Variants in XRCC3 observed in about 807,000 individuals in gnomAD.
The protein encoded by XRCC3 is DNA repair protein XRCC3.
A neutral mutation model predicts 29.2 loss-of-function variants in XRCC3; 34 were observed. The observed-to-expected ratio is 1.16, with a 90% CI of 0.88 to 1.55. XRCC3 has a LOEUF of 1.55. XRCC3 is among the 40% of genes most tolerant of loss of function. The probability of loss-of-function intolerance (pLI) is 0.00; values close to 1 mark genes in which losing one functional copy is unlikely to be tolerated. For synonymous variants in XRCC3, 223 were observed against 211.3 expected (o/e 1.06, Z -0.48); for missense variants, 463 against 467.6 (o/e 0.99, Z 0.09).
At chr14:103,706,562 C>A in intron 6 of XRCC3, 1 of 380,764 alleles carries the variant, frequency 2.6e-6, no homozygotes, top group South Asian at 2.0e-5. Context: ...ATGCAGGGAA[C>A]CCTCGTTTCA....
intron 7 of XRCC3, chr14:103,701,096 GCAGACTTGGGGTGGGGGTTCCC>G: frequency 7.2e-7 from 1 of 1,396,152 alleles, no homozygotes; most frequent in Non-Finnish European, 9.9e-7. Context: ...TCTTCTCTAG[GCAGACTTGGGGTGGGGGTTCCC>G]CAGAGAGCTG....
intron 6 of XRCC3, chr14:103,706,522 A>G: frequency 2.4e-6 from 1 of 413,028 alleles, no homozygotes; most frequent in South Asian, 1.8e-5. Flanking sequence ...TGAGAGACCC[A>G]GGCAGGCATG....
rs2151931189 is a variant in XRCC3, at chr14:103,703,251, C to T, written c.483G>A (p.Leu161=). ...GCAGCTCTCCTGGAACGTCAGTGCGCAGCCGCGGCTGCTGGGCCATGAGCT... is the reference window on the plus strand; with the variant it reads ...GCAGCTCTCCTGGAACGTCAGTGCGTAGCCGCGGCTGCTGGGCCATGAGCT... ...LQQLMAQQPR[L]RTDVPGELLQ... Residue 161 remains leucine, a synonymous_variant, in exon 7 of 10, where the codon CTG becomes CTA. Transcript: ENST00000555055. The T allele has an allele frequency of 6.4e-7, 1 of 1,562,368 alleles. No homozygotes were observed. The highest frequency in any genetic ancestry group is 8.7e-7 in the Non-Finnish European group (1 of 1,154,562).
Position 103,698,014 on chromosome 14 carries a change from CG to C in XRCC3, c.*783del, listed in dbSNP as rs1567046041. On this transcript the variant is annotated 3_prime_UTR_variant, in exon 10 of 10. Coordinates refer to ENST00000555055, the MANE Select transcript of XRCC3 (RefSeq NM_005432.4). Reference sequence around the variant, plus strand: ...CCGGGACCCTCCTTCCTCTCAACCTCGGATCCTCTTTGCCCAGAACTGTGTT... The same window carrying C: ...CCGGGACCCTCCTTCCTCTCAACCTCGATCCTCTTTGCCCAGAACTGTGTT... The C allele has an allele frequency of 6.6e-6, 1 of 152,608 alleles. No individual in the cohort carries two copies. The highest frequency in any genetic ancestry group is 1.5e-5 in the Non-Finnish European group (1 of 68,344). The allele number at this position is 152,608 out of a possible 1,614,324, so 9.5% of individuals were successfully genotyped here.
At position 103,699,020 on chromosome 14, in the gene XRCC3, G is replaced by T; in HGVS notation, c.822-3C>A. On this transcript the variant is annotated splice_polypyrimidine_tract_variant and splice_region_variant and intron_variant, in intron 9 of 9. Coordinates refer to ENST00000555055, the MANE Select transcript of XRCC3 (RefSeq NM_005432.4). Reference sequence around the variant, plus strand: ...GGGAAACACGTTCGTCCCAGAACCTGAGAAACAGGAAGCAGGCAAGCTGGC... The same window carrying T: ...GGGAAACACGTTCGTCCCAGAACCTTAGAAACAGGAAGCAGGCAAGCTGGC... 1 of 1,582,010 alleles carries T rather than the reference G, an allele frequency of 6.3e-7. No homozygotes were observed. Among genetic ancestry groups the T allele is most frequent in the Admixed American group, 1.8e-5 (1 of 55,854 alleles).
Position 103,707,172 on chromosome 14 carries a change from G to C in XRCC3, c.237C>G (p.His79Gln). Reference sequence around the variant, plus strand: ...CCGGGCAGCCCAGGCTCAGGCGCTGGTGCTGCGTGGGGAACCGCTCCTTCT... The same window carrying C: ...CCGGGCAGCCCAGGCTCAGGCGCTGCTGCTGCGTGGGGAACCGCTCCTTCT... The part of the protein sequence containing the change: ...HQQKERFPTQ[H>Q]QRLSLGCPVL... Residue 79 changes from histidine to glutamine, a missense_variant, in exon 6 of 10, where the codon CAC (histidine) becomes CAG (glutamine). By Grantham distance (24) the His-to-Gln change is conservative. Coordinates refer to ENST00000555055, the MANE Select transcript of XRCC3 (RefSeq NM_005432.4). 8 of 1,549,456 alleles carry C rather than the reference G, an allele frequency of 5.2e-6. No homozygotes were observed. Among genetic ancestry groups the C allele is most frequent in the Non-Finnish European group, 7.0e-6 (8 of 1,146,784 alleles).
intron 7 of XRCC3, chr14:103,700,851 G>A (rs2083130295): frequency 1.3e-6 from 1 of 799,162 alleles, no homozygotes; most frequent in Non-Finnish European, 1.9e-6. Context: ...GCCAGGCTGG[G>A]CCTCCAAGAG....
chr14:103,707,192 CCTT>C lies in XRCC3; in HGVS notation c.214_216del (p.Lys72del), dbSNP rs1567059235. 16 of 1,548,978 alleles carry C rather than the reference CCTT, an allele frequency of 1.0e-5. No individual in the cohort carries two copies. Among genetic ancestry groups the C allele is most frequent in the Admixed American group, 2.0e-5 (1 of 51,002 alleles). On this transcript the variant is annotated inframe_deletion, in exon 6 of 10. Transcript: ENST00000555055. ...CGCTGGTGCTGCGTGGGGAACCGCT[CCTT>C]CTGCTGGTGCAGCTGCAGTGCTAAA...
intron 5 of XRCC3, chr14:103,707,553 CA>C: frequency 2.3e-6 from 1 of 437,608 alleles, no homozygotes; most frequent in Non-Finnish European, 4.3e-6. Context: ...AAGAAAAAGG[CA>C]CAGCTCTGTC....
At chr14:103,706,863 C>G in intron 6 of XRCC3, 140 bp downstream of exon 6, 2 of 987,048 alleles carry the variant, frequency 2.0e-6, no homozygotes, top group Admixed American at 4.0e-5. Context: ...GGAGCGAGGG[C>G]AATCAGGGTG....
At chr14:103,707,555 C>G (rs2083478401) in intron 5 of XRCC3, 1 of 428,316 alleles carries the variant, frequency 2.3e-6, no homozygotes, top group South Asian at 2.1e-5. Flanking sequence ...GAAAAAGGCA[C>G]AGCTCTGTCC....
At position 103,699,113 on chromosome 14, in the gene XRCC3, C is replaced by A. The variant is rs1201338552; in HGVS notation, c.821+20G>T. 4.5e-6 allele frequency: 7 copies of A among 1,571,342 alleles called. No homozygotes were observed. The highest frequency in any genetic ancestry group is 6.0e-6 in the Non-Finnish European group (7 of 1,158,648). Reference sequence around the variant, plus strand: ...CCTGGCACCTGCACAGAGGTGCACACACCACATGGCTGCACTCACCCCAGC... The same window carrying A: ...CCTGGCACCTGCACAGAGGTGCACAAACCACATGGCTGCACTCACCCCAGC... On this transcript the variant is annotated intron_variant, in intron 9 of 9. Transcript: ENST00000555055.
intron 6 of XRCC3, chr14:103,704,725 A>G (rs2083372926): frequency 6.6e-6 from 1 of 152,200 alleles, no homozygotes. Flanking sequence ...CGAACTGTAC[A>G]CTTTTAGAGG....
At chr14:103,701,559 GT>G (rs2083195149) in intron 7 of XRCC3, 1 of 247,108 alleles carries the variant, frequency 4.0e-6, no homozygotes, top group African/African-American at 2.2e-5. Context: ...TTACTTGAAA[GT>G]TTTTATAAGA....
chr14:103,700,673 T>G (rs1052760101), intron 7 of XRCC3: 2 of 1,607,402 alleles, frequency 1.2e-6, no homozygotes, highest in African/African-American at 2.7e-5. Context: ...TGGCCGAGCC[T>G]CTTTTTGTGG....
In XRCC3 at chr14:103,698,940, C is replaced by A. The variant is rs187038000; in HGVS notation, c.899G>T (p.Arg300Leu). The change falls in exon 10 of 10, where the codon CGG (arginine) becomes CTG (leucine). Residue 300 changes from arginine (R) to leucine (L), a missense_variant. Physicochemically the swap from Arg to Leu is moderately radical, Grantham distance 102. Coordinates refer to ENST00000555055, the MANE Select transcript of XRCC3 (RefSeq NM_005432.4). ...NQLLVRLLAD[R>L]LREEEAALGC... ...GAGGGCAGCCTCTTCCTCGCGGAGCCGGTCAGCCAGCAGTCTCACCAGGAG... is the reference window on the plus strand; with the variant it reads ...GAGGGCAGCCTCTTCCTCGCGGAGCAGGTCAGCCAGCAGTCTCACCAGGAG... 9 of 1,600,596 alleles carry A rather than the reference C, an allele frequency of 5.6e-6. No individual in the cohort carries two copies. In the Admixed American group the frequency reaches 1.5e-4, roughly 27 times the overall value.
At chr14:103,699,038 A>G in intron 9 of XRCC3, 21 bp from the exon 10 acceptor site, 1 of 1,572,046 alleles carries the variant, frequency 6.4e-7, no homozygotes, top group Non-Finnish European at 8.6e-7. Context: ...GGAAGCAGGC[A>G]AGCTGGCGCT....
chr14:103,707,210 G>C lies in XRCC3; in HGVS notation c.199C>G (p.Gln67Glu), dbSNP rs1194182702. The C allele has an allele frequency of 2.6e-6, 4 of 1,548,742 alleles. No homozygotes were observed. The highest frequency in any genetic ancestry group is 3.5e-6 in the Non-Finnish European group (4 of 1,146,706). ...LRGSSILTAL[Q>E]LHQQKERFPT... is the part of the protein sequence containing the mutation. Reference sequence around the variant, plus strand: ...AACCGCTCCTTCTGCTGGTGCAGCTGCAGTGCTAAAGGGCAGGGATAGTGT... The same window carrying C: ...AACCGCTCCTTCTGCTGGTGCAGCTCCAGTGCTAAAGGGCAGGGATAGTGT... Residue 67 changes from glutamine to glutamate, a missense_variant, in exon 6 of 10, where the codon CAG becomes GAG. Physicochemically the swap from Gln to Glu is conservative, Grantham distance 29. Coordinates refer to ENST00000555055, the MANE Select transcript of XRCC3 (RefSeq NM_005432.4).
chr14:103,698,897 G>C lies in XRCC3; in HGVS notation c.942C>G (p.Thr314=), dbSNP rs748729904. The C allele has an allele frequency of 6.2e-7, 1 of 1,602,664 alleles. No homozygotes were observed. Among genetic ancestry groups the C allele is most frequent in the Non-Finnish European group, 8.5e-7 (1 of 1,175,180 alleles). ...GGTGGGGGGCAGAGAGCACCCGCAG[G>C]GTCCGGGCTGGGCAGCCGAGGGCAG... ...EEAALGCPAR[T]LRVLSAPHLP... Residue 314 remains threonine (T), a synonymous_variant, in exon 10 of 10, where the codon ACC becomes ACG. Coordinates refer to ENST00000555055, the MANE Select transcript of XRCC3 (RefSeq NM_005432.4).
Sources: gnomAD v4.1 joint callset for allele counts on GRCh38, gnomAD v4.1.1 for gene constraint, MANE v1.5 for transcripts, NCBI Gene and HGNC (gene_info 2026-07-23, HGNC 2026-07-21) for gene names.